Variants in TMTC1 observed in about 807,000 individuals in gnomAD.
The protein encoded by TMTC1 is transmembrane O-mannosyltransferase targeting cadherins 1.
In TMTC1, 73 loss-of-function variants were observed where a neutral mutation model predicts 104.8. The observed-to-expected ratio is 0.70, with a 90% CI of 0.58 to 0.85. The LOEUF is 0.85. TMTC1 is among the 40% of genes least tolerant of loss of function. The probability of loss-of-function intolerance (pLI) is 0.00; values close to 1 mark genes in which losing one functional copy is unlikely to be tolerated. For missense variants in TMTC1, 1,035 were observed against 1,096.1 expected, an observed-to-expected ratio of 0.94 and a Z score of 0.79; for synonymous variants, 434 against 428.7, an observed-to-expected ratio of 1.01 and a Z score of -0.15.
At chr12:29,548,845 A>T (rs369817401) in intron 10 of TMTC1, among the ~76,000 whole-genome samples, 1 of 142,700 alleles carries the variant, frequency 7.0e-6, no homozygotes, top group African/African-American at 2.6e-5. Flanking sequence ...CACTTATCTA[A>T]AATATATAAT....
intron 6 of TMTC1, among the ~76,000 whole-genome samples, chr12:29,632,804 G>T (rs1938362517): frequency 6.6e-6 from 1 of 152,150 alleles, no homozygotes; most frequent in Admixed American, 6.5e-5. Context: ...AGTCACTCAT[G>T]AAAGTAGAGT....
chr12:29,579,467 G>C (rs1432407205), intron 8 of TMTC1, among the ~76,000 whole-genome samples: 1 of 152,164 alleles, frequency 6.6e-6, no homozygotes, highest in East Asian at 1.9e-4. Flanking sequence ...TCAGAGAAGG[G>C]GAAAGAGAAC....
chr12:29,504,437 A>G lies in TMTC1; in HGVS notation c.*2409T>C, dbSNP rs1943656589. Reference sequence around the variant, plus strand: ...TAGGCACTGTTTTTACTGTGAAACTATTGCATTGGCCACATCTCAGTGAAG... The same window carrying G: ...TAGGCACTGTTTTTACTGTGAAACTGTTGCATTGGCCACATCTCAGTGAAG... On this transcript the variant is annotated 3_prime_UTR_variant, in exon 18 of 18. Transcript: ENST00000539277. 6.6e-6 allele frequency: 1 copy of G among 152,188 alleles called. No individual in the cohort carries two copies. Among genetic ancestry groups the G allele is most frequent in the Admixed American group, 6.5e-5 (1 of 15,270 alleles). The allele number at this position is 152,188 out of a possible 1,614,324, so 9.4% of individuals were successfully genotyped here. A position where few individuals can be genotyped will look rare whatever the true frequency, so the allele number is the denominator to read the frequency against.
At chr12:29,572,720 C>T (rs918784694) in intron 8 of TMTC1, among the ~76,000 whole-genome samples, 9 of 152,098 alleles carry the variant, frequency 5.9e-5, no homozygotes, top group Non-Finnish European at 8.8e-5. Flanking sequence ...TAGGCCCTGC[C>T]GAGGCTAATT....
At chr12:29,720,464 C>A (rs1942206294) in intron 5 of TMTC1, among the ~76,000 whole-genome samples, 1 of 151,848 alleles carries the variant, frequency 6.6e-6, no homozygotes, top group South Asian at 2.1e-4. Flanking sequence ...TAAAAAAGAC[C>A]AATAAGATTT....
chr12:29,565,156 C>T (rs897804941), intron 9 of TMTC1, among the ~76,000 whole-genome samples: 1 of 152,128 alleles, frequency 6.6e-6, no homozygotes, highest in African/African-American at 2.4e-5. Flanking sequence ...GGAGGAGCTG[C>T]AGTTAGAATC....
At chr12:29,577,277 CACTT>C (rs1339907480) in intron 8 of TMTC1, among the ~76,000 whole-genome samples, 1 of 152,136 alleles carries the variant, frequency 6.6e-6, no homozygotes, top group African/African-American at 2.4e-5. Context: ...TGTGTTCACT[CACTT>C]AAACTTTGAT....
chr12:29,691,134 C>A (rs117432310), intron 5 of TMTC1, among the ~76,000 whole-genome samples: 1,635 of 152,318 alleles, frequency 0.011, 19 homozygotes, highest in South Asian at 0.022. Context: ...AGGAGTCATG[C>A]AGCCTTTGCT....
rs144452904 is a variant in TMTC1, at chr12:29,517,561, C to T, written c.2035G>A (p.Val679Met). The change falls in exon 14 of 18, where the codon GTG (valine) becomes ATG (methionine). Residue 679 changes from valine (V) to methionine (M), a missense_variant. Coordinates refer to ENST00000539277, the MANE Select transcript of TMTC1 (RefSeq NM_001193451.2). ...GACAATATCTCAGCTTTGTGTGCCA[C>T]CTGCAGGGCGCTGAGTTTGGAGAAA... ...AEEWYKRALQ[V>M]AHKAEILSPL... 1,202 of 1,613,956 alleles carry T rather than the reference C, an allele frequency of 7.4e-4. No individual in the cohort carries two copies. The highest frequency in any genetic ancestry group is 9.8e-4 in the Non-Finnish European group (1,152 of 1,180,010).
intron 15 of TMTC1, 38 bp downstream of exon 15, chr12:29,516,310 CT>C (rs757381942): frequency 2.7e-5 from 43 of 1,588,948 alleles, no homozygotes; most frequent in Non-Finnish European, 4.3e-6. Flanking sequence ...CATGTTTAAC[CT>C]ATGAATCCAA....
At chr12:29,507,029 CA>C in intron 17 of TMTC1, 43 bp from the exon 18 acceptor site, 1 of 1,567,436 alleles carries the variant, frequency 6.4e-7, no homozygotes, top group South Asian at 1.1e-5. Flanking sequence ...TGATCCATCA[CA>C]AAACTCTCTC....
chr12:29,608,445 G>A (rs1414201065), intron 6 of TMTC1, among the ~76,000 whole-genome samples: 49 of 152,314 alleles, frequency 3.2e-4, no homozygotes, highest in Admixed American at 2.9e-3. Flanking sequence ...ACAGCAGGGA[G>A]AGAAGAGATA....
intron 5 of TMTC1, among the ~76,000 whole-genome samples, chr12:29,750,572 T>TA (rs1165763623): frequency 6.6e-6 from 1 of 151,956 alleles, no homozygotes; most frequent in Non-Finnish European, 1.5e-5. Flanking sequence ...TGGGGCAAGA[T>TA]AAAAAAACAA....
chr12:29,540,258 T>C (rs1384263460), intron 10 of TMTC1, among the ~76,000 whole-genome samples: 1 of 152,210 alleles, frequency 6.6e-6, no homozygotes, highest in Non-Finnish European at 1.5e-5. Context: ...TATTTCACAA[T>C]AGTTGTTTCC....
chr12:29,727,591 T>C (rs190994), intron 5 of TMTC1, among the ~76,000 whole-genome samples: 76,159 of 151,598 alleles, frequency 0.5, 19,190 homozygotes, highest in Middle Eastern at 0.55. Flanking sequence ...TTAACCAGGA[T>C]GGTCTCAATC....
chr12:29,777,252 G>A (rs1943732238), intron 1 of TMTC1, among the ~76,000 whole-genome samples: 1 of 151,892 alleles, frequency 6.6e-6, no homozygotes. Flanking sequence ...ACACCACCAT[G>A]CCCAGCTAAT....
At chr12:29,554,153 T>A (rs964662894) in intron 10 of TMTC1, among the ~76,000 whole-genome samples, 1 of 152,132 alleles carries the variant, frequency 6.6e-6, no homozygotes, top group Non-Finnish European at 1.5e-5. Flanking sequence ...TCCTTAGAAC[T>A]TCACATAAAG....
intron 8 of TMTC1, among the ~76,000 whole-genome samples, chr12:29,582,857 G>A (rs1256079755): frequency 6.6e-6 from 1 of 152,232 alleles, no homozygotes; most frequent in Non-Finnish European, 1.5e-5. Flanking sequence ...AGGTGTGGCA[G>A]TGCCAAGAGA....
intron 5 of TMTC1, among the ~76,000 whole-genome samples, chr12:29,644,039 AT>A (rs1476963471): frequency 0.035 from 3,943 of 112,926 alleles, 163 homozygotes; most frequent in Admixed American, 0.051. Context: ...ATATAAATAT[AT>A]AATTTATATA....
Sources: allele counts gnomAD v4.1 joint callset (sites outside exome capture counted in the v4.1 genomes callset), GRCh38; gene constraint gnomAD v4.1.1; transcripts MANE v1.5; gene names NCBI Gene and HGNC (gene_info 2026-07-23, HGNC 2026-07-21).